Variants in NRG3 observed in about 807,000 individuals in gnomAD.
NRG3 encodes the protein pro-neuregulin-3, membrane-bound isoform.
A neutral mutation model predicts 66.9 loss-of-function variants in NRG3; 31 were observed. The ratio of observed to expected loss-of-function variants is 0.46; its 90% CI spans 0.35 to 0.63. The LOEUF (loss-of-function observed/expected upper bound fraction) is 0.63. Ranked by LOEUF, NRG3 falls within the 20% of genes least tolerant of loss-of-function variation. The pLI, the probability that NRG3 is intolerant of heterozygous loss-of-function variation, is 0.00. For missense variants in NRG3, 910 were observed against 878.9 expected (o/e 1.04, Z -0.45); for synonymous variants, 393 against 359.4 (o/e 1.09, Z -1.06).
Position 82,853,546 on chromosome 10 carries a change from G to A in NRG3, c.1028-11865G>A, listed in dbSNP as rs191383727. Among the ~76,000 whole-genome samples, 138 of 152,000 alleles carry A rather than the reference G, an allele frequency of 9.1e-4. 1 individual carries two copies. The highest frequency in any genetic ancestry group is 2.5e-3 in the South Asian group (12 of 4,816). On this transcript the variant is annotated intron_variant, in intron 3 of 8. Coordinates refer to ENST00000372141, the MANE Select transcript of NRG3 (RefSeq NM_001010848.4). ...TATATTCCTAAGTATTTTTTTATTT[G>A]TATTTTTTTGTGGCTCTTGTAAAAG... is the stretch of plus-strand genomic sequence containing the variant.
At chr10:81,896,381 T>A (rs1332287100) in intron 1 of NRG3, among the ~76,000 whole-genome samples, 1 of 152,140 alleles carries the variant, frequency 6.6e-6, no homozygotes, top group Non-Finnish European at 1.5e-5. Flanking sequence ...CTCGTGCCAT[T>A]TCTCTTTAGG....
At chr10:82,389,963 T>A (rs1448821302) in intron 2 of NRG3, among the ~76,000 whole-genome samples, 1 of 152,212 alleles carries the variant, frequency 6.6e-6, no homozygotes, top group Non-Finnish European at 1.5e-5. Context: ...CTGTGGCCTA[T>A]TTCCGACAAG....
intron 2 of NRG3, among the ~76,000 whole-genome samples, chr10:82,463,457 G>A (rs540179197): frequency 6.6e-6 from 1 of 152,272 alleles, no homozygotes; most frequent in East Asian, 1.9e-4. Context: ...TTTTTAAATA[G>A]CTATACAGCA....
chr10:82,538,405 A>T (rs2043305466), intron 2 of NRG3, among the ~76,000 whole-genome samples: 1 of 152,184 alleles, frequency 6.6e-6, no homozygotes, highest in South Asian at 2.1e-4. Context: ...TTAGTTAAAC[A>T]CAAAACAAAA....
chr10:82,721,640 C>T (rs1226227391), intron 2 of NRG3, among the ~76,000 whole-genome samples: 1 of 150,974 alleles, frequency 6.6e-6, no homozygotes, highest in Non-Finnish European at 1.5e-5. Flanking sequence ...TCAGGCTCGT[C>T]TGGAACTCCT....
intron 4 of NRG3, among the ~76,000 whole-genome samples, chr10:82,906,298 C>T (rs973576386): frequency 6.6e-6 from 1 of 152,130 alleles, no homozygotes; most frequent in Non-Finnish European, 1.5e-5. Context: ...AGGCTTCACA[C>T]GTCGTATCAT....
intron 2 of NRG3, among the ~76,000 whole-genome samples, chr10:82,506,688 T>C (rs1049850002): frequency 5.3e-5 from 8 of 152,190 alleles, no homozygotes; most frequent in African/African-American, 1.7e-4. Flanking sequence ...TCCAGTTTCA[T>C]GGAATTTACA....
At chr10:82,192,964 GAAGA>G (rs1489946378) in intron 1 of NRG3, among the ~76,000 whole-genome samples, 1 of 107,434 alleles carries the variant, frequency 9.3e-6, no homozygotes, top group African/African-American at 3.6e-5. Context: ...GTGGAAGAAG[GAAGA>G]AAGTGAGAGA....
At chr10:82,042,911 T>A (rs2063110132) in intron 1 of NRG3, among the ~76,000 whole-genome samples, 1 of 152,070 alleles carries the variant, frequency 6.6e-6, no homozygotes, top group Non-Finnish European at 1.5e-5. Flanking sequence ...GGATGCAAAC[T>A]GACACATAAT....
chr10:82,673,084 C>T (rs895202558), intron 2 of NRG3, among the ~76,000 whole-genome samples: 1 of 152,154 alleles, frequency 6.6e-6, no homozygotes, highest in Admixed American at 6.5e-5. Context: ...GCTGTTTCCT[C>T]CCACATCCCA....
At chr10:82,404,790 A>ACAG (rs1191652689) in intron 2 of NRG3, among the ~76,000 whole-genome samples, 1 of 152,130 alleles carries the variant, frequency 6.6e-6, no homozygotes, top group Non-Finnish European at 1.5e-5. Context: ...ATGGTTGTAA[A>ACAG]CAGAAAGGAC....
chr10:82,307,686 A>C (rs991933999), intron 1 of NRG3, among the ~76,000 whole-genome samples: 5 of 151,804 alleles, frequency 3.3e-5, no homozygotes, highest in Non-Finnish European at 5.9e-5. Flanking sequence ...AATATCTGTA[A>C]TATTTATTAG....
intron 4 of NRG3, among the ~76,000 whole-genome samples, chr10:82,940,433 T>C (rs1050209031): frequency 3.3e-5 from 5 of 152,152 alleles, no homozygotes; most frequent in Admixed American, 2.6e-4. Flanking sequence ...GTTCTCCCTA[T>C]GTGTGTATGT....
At chr10:82,883,123 T>C (rs553686515) in intron 4 of NRG3, among the ~76,000 whole-genome samples, 7 of 152,218 alleles carry the variant, frequency 4.6e-5, no homozygotes, top group Non-Finnish European at 1.0e-4. Context: ...TTACATAATA[T>C]GTTGATGTAT....
At chr10:81,985,431 A>G (rs1034535562) in intron 1 of NRG3, among the ~76,000 whole-genome samples, 1 of 152,190 alleles carries the variant, frequency 6.6e-6, no homozygotes, top group African/African-American at 2.4e-5. Context: ...TTCAACTCCA[A>G]ACTCAGCCTG....
At chr10:82,551,296 C>G (rs1318681523) in intron 2 of NRG3, among the ~76,000 whole-genome samples, 1 of 152,044 alleles carries the variant, frequency 6.6e-6, no homozygotes, top group African/African-American at 2.4e-5. Flanking sequence ...TTTTCAAGTA[C>G]TATTTTTAAC....
chr10:82,724,220 A>T (rs1591317137), intron 2 of NRG3, among the ~76,000 whole-genome samples: 3 of 145,128 alleles, frequency 2.1e-5, no homozygotes, highest in South Asian at 2.2e-4. Flanking sequence ...GGCCTATGCT[A>T]CTTTTTTTTT....
chr10:82,148,415 T>G (rs960274456), intron 1 of NRG3, among the ~76,000 whole-genome samples: 1 of 152,140 alleles, frequency 6.6e-6, no homozygotes, highest in African/African-American at 2.4e-5. Flanking sequence ...AACCACAGAG[T>G]GAGGAACTTA....
chr10:82,801,161 A>G (rs1334438424), intron 3 of NRG3, among the ~76,000 whole-genome samples: 5 of 152,198 alleles, frequency 3.3e-5, no homozygotes, highest in African/African-American at 1.2e-4. Context: ...TCCGCTAGAG[A>G]AAAGTTGCAC....
Sources: allele counts gnomAD v4.1 joint callset (sites outside exome capture counted in the v4.1 genomes callset), GRCh38; gene constraint gnomAD v4.1.1; transcripts MANE v1.5; gene names NCBI Gene and HGNC (gene_info 2026-07-23, HGNC 2026-07-21).